Variants in DLGAP2 observed in about 807,000 individuals in gnomAD.
DLGAP2 encodes the protein disks large-associated protein 2.
Under a neutral mutation model 100.3 loss-of-function variants are expected in DLGAP2, and 26 were observed. The ratio of observed to expected loss-of-function variants is 0.26; its 90% CI spans 0.19 to 0.36. DLGAP2 has a LOEUF of 0.36. DLGAP2 is among the 10% of genes least tolerant of loss of function. The pLI is 1.00. For missense variants in DLGAP2, 1,858 were observed against 1,453.2 expected (o/e 1.28, Z -4.53); for synonymous variants, 886 against 630.1 (o/e 1.41, Z -6.08).
rs1160545746 is a variant in DLGAP2, at chr8:1,615,748, A to G, written c.1443-10992A>G. Reference sequence around the variant, plus strand: ...ATAAAAATGTTAGAACTCACCGGAAAGATCTTTAAAGCAGCCATTGTAAGG... The same window carrying G: ...ATAAAAATGTTAGAACTCACCGGAAGGATCTTTAAAGCAGCCATTGTAAGG... On this transcript the variant is annotated intron_variant, in intron 6 of 14. Coordinates refer to ENST00000637795, the MANE Select transcript of DLGAP2 (RefSeq NM_001346810.2). Among the ~76,000 whole-genome samples, 3 of 152,312 alleles carry G rather than the reference A, an allele frequency of 2.0e-5. No homozygotes were observed. The East Asian group carries it at 5.8e-4, about 29-fold the overall frequency.
At chr8:800,939 G>T (rs149100496) in intron 1 of DLGAP2, among the ~76,000 whole-genome samples, 1 of 136,220 alleles carries the variant, frequency 7.3e-6, no homozygotes, top group Non-Finnish European at 1.6e-5. Context: ...TCCTTGGCTT[G>T]CTTGTTGTGC....
intron 2 of DLGAP2, among the ~76,000 whole-genome samples, chr8:1,088,961 C>T (rs1804076747): frequency 7.7e-6 from 1 of 129,504 alleles, no homozygotes; most frequent in Admixed American, 7.5e-5. Context: ...CCCGGCCTCA[C>T]TCTCTCCACC....
At chr8:1,321,315 C>T (rs990673704) in intron 3 of DLGAP2, among the ~76,000 whole-genome samples, 15 of 150,906 alleles carry the variant, frequency 9.9e-5, no homozygotes, top group Admixed American at 2.0e-4. Context: ...TGTGTCTCTG[C>T]GTGTGCGTGT....
At chr8:1,515,046 C>T (rs560233835) in intron 4 of DLGAP2, among the ~76,000 whole-genome samples, 5 of 151,562 alleles carry the variant, frequency 3.3e-5, no homozygotes, top group Non-Finnish European at 5.9e-5. Flanking sequence ...GACCAACGTG[C>T]AGGGATACCG....
At chr8:1,503,087 G>A (rs1308300321) in intron 4 of DLGAP2, among the ~76,000 whole-genome samples, 3 of 152,334 alleles carry the variant, frequency 2.0e-5, no homozygotes, top group East Asian at 3.9e-4. Context: ...GCTGGGGGGC[G>A]AAGGAGGCAG....
chr8:1,580,401 A>G (rs1302638196), intron 6 of DLGAP2, among the ~76,000 whole-genome samples: 1 of 152,204 alleles, frequency 6.6e-6, no homozygotes, highest in East Asian at 1.9e-4. Flanking sequence ...CCTTGAAGAT[A>G]GGTTCATGGA....
At chr8:1,556,817 C>T (rs755690790) in intron 5 of DLGAP2, among the ~76,000 whole-genome samples, 34 of 152,308 alleles carry the variant, frequency 2.2e-4, no homozygotes, top group Non-Finnish European at 4.1e-4. Flanking sequence ...GACTTCCCAC[C>T]CAAGCTAAAT....
intron 2 of DLGAP2, among the ~76,000 whole-genome samples, chr8:1,219,200 G>A (rs1798270524): frequency 6.6e-6 from 1 of 152,092 alleles, no homozygotes; most frequent in Admixed American, 6.5e-5. Flanking sequence ...TTTTGTTCTG[G>A]TTCTCAAGGG....
At chr8:1,623,225 AT>A (rs1200425150) in intron 6 of DLGAP2, among the ~76,000 whole-genome samples, 1 of 152,188 alleles carries the variant, frequency 6.6e-6, no homozygotes, top group East Asian at 1.9e-4. Context: ...TGACCTTGGG[AT>A]TTTAAAGCAT....
chr8:777,275 G>A (rs1392890640), intron 1 of DLGAP2, among the ~76,000 whole-genome samples: 2 of 150,764 alleles, frequency 1.3e-5, no homozygotes, highest in South Asian at 2.1e-4. Flanking sequence ...CCTGAATACA[G>A]CACACTGATG....
At chr8:1,650,911 A>G (rs1170827157) in intron 8 of DLGAP2, among the ~76,000 whole-genome samples, 1 of 150,734 alleles carries the variant, frequency 6.6e-6, no homozygotes. Flanking sequence ...GTAGAGACAG[A>G]AGCTTGGGTG....
chr8:788,883 C>T (rs540797699), intron 1 of DLGAP2, among the ~76,000 whole-genome samples: 5 of 152,282 alleles, frequency 3.3e-5, no homozygotes, highest in South Asian at 4.1e-4. Flanking sequence ...GGTGATGCAG[C>T]GTTTTCCTGG....
chr8:1,168,016 T>A (rs1331620356), intron 2 of DLGAP2, among the ~76,000 whole-genome samples: 2 of 146,174 alleles, frequency 1.4e-5, no homozygotes, highest in Non-Finnish European at 3.0e-5. Context: ...TATCTCCCAT[T>A]GCTATCCCTC....
At chr8:1,627,327 G>A (rs568498162) in intron 7 of DLGAP2, among the ~76,000 whole-genome samples, 37 of 152,206 alleles carry the variant, frequency 2.4e-4, no homozygotes, top group African/African-American at 8.7e-4. Context: ...CCTGCCGGTC[G>A]GCCCCACTCC....
At chr8:1,299,357 G>C (rs974345134) in intron 3 of DLGAP2, among the ~76,000 whole-genome samples, 1 of 152,248 alleles carries the variant, frequency 6.6e-6, no homozygotes, top group African/African-American at 2.4e-5. Flanking sequence ...GAATAAACAA[G>C]TGTGAAATCT....
chr8:1,076,744 A>C (rs1256964996), intron 2 of DLGAP2, among the ~76,000 whole-genome samples: 1 of 152,110 alleles, frequency 6.6e-6, no homozygotes, highest in East Asian at 1.9e-4. Context: ...AGGGCCTCAC[A>C]CCAGAGATCC....
chr8:1,497,068 C>T (rs980418464), intron 3 of DLGAP2, among the ~76,000 whole-genome samples: 1 of 152,150 alleles, frequency 6.6e-6, no homozygotes, highest in Admixed American at 6.5e-5. Flanking sequence ...AAGGTGACTC[C>T]TAAAGTACGT....
chr8:1,125,777 C>A (rs1796149882), intron 2 of DLGAP2, among the ~76,000 whole-genome samples: 1 of 152,204 alleles, frequency 6.6e-6, no homozygotes, highest in Non-Finnish European at 1.5e-5. Context: ...AATTTGAAAG[C>A]AAAACATTGC....
chr8:1,701,540 C>A lies in DLGAP2; in HGVS notation c.*134C>A. On this transcript the variant is annotated 3_prime_UTR_variant, in exon 15 of 15. Coordinates refer to ENST00000637795, the MANE Select transcript of DLGAP2 (RefSeq NM_001346810.2). ...GCTCCCGCGCTCCCCGCGCCCCGGA[C>A]ACAGCGGGACGCGGCCGGCGGCCTC... 1.0e-6 allele frequency: 1 copy of A among 975,482 alleles called. No homozygotes were observed. The highest frequency in any genetic ancestry group is 1.5e-6 in the Non-Finnish European group (1 of 681,188). The allele number at this position is 975,482 out of a possible 1,614,324, so 60.4% of individuals were successfully genotyped here.
Sources: gnomAD v4.1 joint callset for allele counts (sites outside exome capture counted in the v4.1 genomes callset) on GRCh38, gnomAD v4.1.1 for gene constraint, MANE v1.5 for transcripts, NCBI Gene and HGNC (gene_info 2026-07-23, HGNC 2026-07-21) for gene names.